DDX60L: variants seen among roughly 807,000 people sequenced by gnomAD.
The protein encoded by DDX60L is probable ATP-dependent RNA helicase DDX60-like.
Under a neutral mutation model 211.6 loss-of-function variants are expected in DDX60L, and 191 were observed. The observed-to-expected ratio is 0.90, with a 90% confidence interval of 0.80 to 1.02. The LOEUF (loss-of-function observed/expected upper bound fraction) is 1.02. DDX60L is among the 50% of genes least tolerant of loss of function. DDX60L has a pLI of 0.00. For synonymous variants in DDX60L, 706 were observed against 694.1 expected (o/e 1.02, Z -0.27); for missense variants, 2,007 against 1,984.1 (o/e 1.01, Z -0.22).
chr4:168,443,617 C>A (rs1194434572), intron 9 of DDX60L, among the ~76,000 whole-genome samples: 2 of 151,854 alleles, frequency 1.3e-5, no homozygotes, highest in Admixed American at 6.6e-5. Context: ...ATGTTAAGGG[C>A]AGCCAGAGAG....
intron 20 of DDX60L, 81 bp downstream of exon 20, chr4:168,416,601 C>T: frequency 1.4e-6 from 1 of 740,378 alleles, no homozygotes. Flanking sequence ...ATAGAAAAAA[C>T]CTTAAAGACT....
chr4:168,378,503 A>T, intron 32 of DDX60L, 28 bp from the exon 33 acceptor site: 2 of 1,477,216 alleles, frequency 1.4e-6, no homozygotes, highest in Non-Finnish European at 1.8e-6. Context: ...ATTATTATAA[A>T]TAAGAATAAT....
intron 8 of DDX60L, among the ~76,000 whole-genome samples, chr4:168,450,143 C>T (rs1755608690): frequency 6.6e-6 from 1 of 152,170 alleles, no homozygotes; most frequent in South Asian, 2.1e-4. Context: ...CTACAAGATT[C>T]TGACCCTCCC....
intron 9 of DDX60L, among the ~76,000 whole-genome samples, chr4:168,442,553 T>G (rs573319290): frequency 3.5e-4 from 53 of 152,338 alleles, no homozygotes; most frequent in South Asian, 1.0e-3. Context: ...CCTGCCTCTG[T>G]AGGCTCCACC....
intron 13 of DDX60L, 107 bp from the exon 14 acceptor site, chr4:168,427,429 T>G: frequency 8.1e-7 from 1 of 1,240,782 alleles, no homozygotes; most frequent in South Asian, 1.5e-5. Context: ...TGGCCATCAT[T>G]CTACTCGTGC....
intron 37 of DDX60L, among the ~76,000 whole-genome samples, chr4:168,359,274 C>T (rs1432300418): frequency 1.3e-5 from 2 of 152,086 alleles, no homozygotes; most frequent in South Asian, 2.1e-4. Flanking sequence ...GAGTTTCAGA[C>T]ATATTATTCT....
chr4:168,372,020 T>A (rs1168104806), intron 35 of DDX60L, among the ~76,000 whole-genome samples: 1 of 151,866 alleles, frequency 6.6e-6, no homozygotes, highest in African/African-American at 2.4e-5. Flanking sequence ...CTGAGGGAAA[T>A]AGGAACTCTC....
At chr4:168,471,542 T>G in intron 4 of DDX60L, 1 of 410,376 alleles carries the variant, frequency 2.4e-6, no homozygotes. Context: ...GAACATAGAG[T>G]TGAGGGAAAA....
rs187087281 is a variant in DDX60L at position 168,476,848 on chromosome 4, T to C, written c.-111+3529A>G. Among the ~76,000 whole-genome samples, 171 of 152,344 alleles carry C rather than the reference T, an allele frequency of 1.1e-3. No homozygotes were observed. The Middle Eastern group carries it at 0.014, about 12-fold the overall frequency. On this transcript the variant is annotated intron_variant, in intron 1 of 37. Coordinates refer to ENST00000682922, the MANE Select transcript of DDX60L (RefSeq NM_001012967.3). ...ACCAATGGAACGTGAGTGGAAGTGA[T>C]AGCCAGACTTTCGAGAAATAGGTAT... is the stretch of plus-strand genomic sequence containing the variant.
chr4:168,400,766 T>C, intron 26 of DDX60L, 60 bp downstream of exon 26: 2 of 1,390,496 alleles, frequency 1.4e-6, no homozygotes, highest in Non-Finnish European at 2.0e-6. Flanking sequence ...TTTCTGACAG[T>C]GTCTTGTAAA....
chr4:168,454,021 A>T (rs1021019338), intron 7 of DDX60L, among the ~76,000 whole-genome samples: 4 of 152,186 alleles, frequency 2.6e-5, no homozygotes, highest in Non-Finnish European at 5.9e-5. Flanking sequence ...AAATTAAATT[A>T]ATCAATATGA....
At chr4:168,375,256 A>G in intron 34 of DDX60L, 121 bp downstream of exon 34, 7 of 1,015,982 alleles carry the variant, frequency 6.9e-6, no homozygotes, top group Non-Finnish European at 1.0e-5. Flanking sequence ...CACTTGGGTT[A>G]GTACAGCTGC....
chr4:168,382,924 A>G (rs1043353370), intron 30 of DDX60L, among the ~76,000 whole-genome samples: 2 of 152,222 alleles, frequency 1.3e-5, no homozygotes, highest in Non-Finnish European at 2.9e-5. Context: ...GCTAGCATTT[A>G]TGTGTTTACT....
chr4:168,446,503 C>T (rs1295644057), intron 9 of DDX60L, among the ~76,000 whole-genome samples: 3 of 152,210 alleles, frequency 2.0e-5, no homozygotes, highest in Admixed American at 6.5e-5. Context: ...CTACCAATGA[C>T]TTTCTTCACA....
chr4:168,433,049 A>G lies in DDX60L; in HGVS notation c.1361T>C (p.Phe454Ser). The change falls in exon 11 of 38, where the codon TTT becomes TCT. Residue 454 changes from phenylalanine to serine, a missense_variant. By Grantham distance (155) the Phe-to-Ser change is radical (BLOSUM62 -2). Coordinates refer to ENST00000682922, the MANE Select transcript of DDX60L (RefSeq NM_001012967.3). ...CAAATCCTTCATCATATCTCCAACA[A>G]ACTCATCAATTACAGCAGATGTCAT... ...IPMTSAVIDE[F>S]VGDMMKDLPI... 1 of 1,610,036 alleles carries G rather than the reference A, an allele frequency of 6.2e-7. No homozygotes were observed. Among genetic ancestry groups the G allele is most frequent in the Non-Finnish European group, 8.5e-7 (1 of 1,177,882 alleles).
At chr4:168,359,509 T>C (rs976904235) in intron 37 of DDX60L, among the ~76,000 whole-genome samples, 1 of 152,200 alleles carries the variant, frequency 6.6e-6, no homozygotes, top group Non-Finnish European at 1.5e-5. Flanking sequence ...TTATCATTCA[T>C]TTCTACCACC....
In DDX60L at chr4:168,453,302, T is replaced by A. The variant is rs778730508; in HGVS notation, c.838-20A>T. 3 of 1,598,656 alleles carry A rather than the reference T, an allele frequency of 1.9e-6. No homozygotes were observed. The East Asian group carries it at 6.7e-5, about 36-fold the overall frequency. On this transcript the variant is annotated intron_variant, in intron 7 of 37. Transcript: ENST00000682922. ...GTGCACCTGCGTACAATAAAGAAGA[T>A]GAGAACAGTCACAATGTCACGCTGT...
intron 3 of DDX60L, 92 bp from the exon 4 acceptor site, chr4:168,472,028 T>G (rs12505232): frequency 0.77 from 814,983 of 1,054,024 alleles, 317,892 homozygotes; most frequent in East Asian, 0.87. Context: ...AGCTACTGTT[T>G]GTTGAGTACC....
chr4:168,361,147 AC>A lies in DDX60L; in HGVS notation c.4991+1del, dbSNP rs770300546. ...GAAAATCAAACTCAGCATGAAACATACCTGATAGCCTGAATGTTGAATGCAA... is the reference window on the plus strand; with the variant it reads ...GAAAATCAAACTCAGCATGAAACATACTGATAGCCTGAATGTTGAATGCAA... On this transcript the variant is annotated splice_donor_variant, in intron 37 of 37. Coordinates refer to ENST00000682922, the MANE Select transcript of DDX60L (RefSeq NM_001012967.3). LOFTEE classifies it high-confidence loss of function. 1 of 1,600,720 alleles carries A rather than the reference AC, an allele frequency of 6.2e-7. No homozygotes were observed. The highest frequency in any genetic ancestry group is 1.7e-4 in the Middle Eastern group (1 of 6,034).
Sources: gnomAD v4.1 joint callset for allele counts (sites outside exome capture counted in the v4.1 genomes callset) on GRCh38, gnomAD v4.1.1 for gene constraint, MANE v1.5 for transcripts, NCBI Gene and HGNC (gene_info 2026-07-23, HGNC 2026-07-21) for gene names.